ASIC2: variants seen among roughly 807,000 people sequenced by gnomAD.
ASIC2 encodes acid-sensing ion channel 2.
A neutral mutation model predicts 57.3 loss-of-function variants in ASIC2; 25 were observed. The observed-to-expected ratio is 0.44, with a 90% CI of 0.32 to 0.61. The LOEUF is 0.61. ASIC2 is among the 20% of genes least tolerant of loss of function. The pLI is 0.06. For synonymous variants in ASIC2, 319 were observed against 307.5 expected (o/e 1.04, Z -0.39); for missense variants, 641 against 738.1 (o/e 0.87, Z 1.52).
At chr17:33,560,857 G>C (rs1916051449) in intron 1 of ASIC2, among the ~76,000 whole-genome samples, 1 of 152,156 alleles carries the variant, frequency 6.6e-6, no homozygotes, top group Admixed American at 6.5e-5. Flanking sequence ...ATAAGTTACA[G>C]TATCTGACTG....
At chr17:34,078,078 C>T (rs1909738476) in intron 1 of ASIC2, among the ~76,000 whole-genome samples, 1 of 152,160 alleles carries the variant, frequency 6.6e-6, no homozygotes, top group South Asian at 2.1e-4. Context: ...GTTTCACCAG[C>T]TCTCAGTGTT....
chr17:33,448,109 C>T (rs1012862530), intron 1 of ASIC2, among the ~76,000 whole-genome samples: 17 of 142,908 alleles, frequency 1.2e-4, no homozygotes, highest in Admixed American at 5.5e-4. Context: ...AAACTAGAAT[C>T]GGGAGTTAGG....
At chr17:33,835,995 T>G (rs1444094459) in intron 1 of ASIC2, among the ~76,000 whole-genome samples, 1 of 150,966 alleles carries the variant, frequency 6.6e-6, no homozygotes, top group East Asian at 1.9e-4. Context: ...TTTTAGAGGC[T>G]AATAATTATG....
intron 1 of ASIC2, among the ~76,000 whole-genome samples, chr17:33,783,453 G>A (rs1170419505): frequency 1.3e-5 from 2 of 152,226 alleles, no homozygotes; most frequent in Non-Finnish European, 2.9e-5. Context: ...TCAGTAGAGT[G>A]TCTGGCATAT....
chr17:33,120,733 A>T (rs1312599908), intron 1 of ASIC2, among the ~76,000 whole-genome samples: 1 of 152,214 alleles, frequency 6.6e-6, no homozygotes, highest in Non-Finnish European at 1.5e-5. Context: ...CAAATGGGAC[A>T]CAATGACAGG....
chr17:33,233,347 T>C (rs952795385), intron 1 of ASIC2, among the ~76,000 whole-genome samples: 6 of 152,028 alleles, frequency 3.9e-5, no homozygotes, highest in Non-Finnish European at 8.8e-5. Context: ...AGTGCCCTCA[T>C]GCGCTAGGAG....
intron 1 of ASIC2, among the ~76,000 whole-genome samples, chr17:33,270,921 G>C (rs1269884964): frequency 1.3e-5 from 2 of 152,142 alleles, no homozygotes; most frequent in Non-Finnish European, 2.9e-5. Context: ...ATAATGCTAC[G>C]CAGAGGAGGA....
chr17:33,741,681 T>G (rs1910116473), intron 1 of ASIC2, among the ~76,000 whole-genome samples: 1 of 152,240 alleles, frequency 6.6e-6, no homozygotes, highest in African/African-American at 2.4e-5. Flanking sequence ...TGTTTGCCAC[T>G]GATAATGCTG....
At chr17:33,478,931 A>G (rs1913315022) in intron 1 of ASIC2, among the ~76,000 whole-genome samples, 1 of 152,238 alleles carries the variant, frequency 6.6e-6, no homozygotes, top group Non-Finnish European at 1.5e-5. Context: ...TTCAGGTTGC[A>G]TGTCAAGATA....
At chr17:34,141,824 A>G (rs953208593) in intron 1 of ASIC2, among the ~76,000 whole-genome samples, 3 of 152,308 alleles carry the variant, frequency 2.0e-5, no homozygotes, top group Admixed American at 6.5e-5. Context: ...TAAGGGGCAC[A>G]TTGCCTGAAA....
chr17:33,086,569 T>A (rs2092134589), intron 3 of ASIC2, among the ~76,000 whole-genome samples: 1 of 152,188 alleles, frequency 6.6e-6, no homozygotes, highest in Admixed American at 6.5e-5. Context: ...TTGACCAGAC[T>A]CTAGCCAGGC....
chr17:33,495,086 G>A (rs1381069001), intron 1 of ASIC2, among the ~76,000 whole-genome samples: 2 of 152,222 alleles, frequency 1.3e-5, no homozygotes, highest in Non-Finnish European at 2.9e-5. Context: ...GCTGGAATGA[G>A]AGGGAGAGAA....
rs1247571166 is a variant in ASIC2 at position 33,594,701 on chromosome 17, G to A, written c.556-482634C>T. Among the ~76,000 whole-genome samples the A allele has an allele frequency of 2.6e-5, 4 of 152,074 alleles. No homozygotes were observed. In the South Asian group the frequency reaches 6.2e-4, roughly 24 times the overall value. ...AAATTAGCCAGGCGTGCTGGCGGGC[G>A]CCTGTAGTCCCAGCTACTCGGGAGG... On this transcript the variant is annotated intron_variant, in intron 1 of 9. Transcript: ENST00000359872.
intron 1 of ASIC2, among the ~76,000 whole-genome samples, chr17:33,555,460 T>G (rs1915879660): frequency 6.6e-6 from 1 of 152,160 alleles, no homozygotes; most frequent in South Asian, 2.1e-4. Flanking sequence ...AACTGTTCTT[T>G]GAGAGGCAAG....
At chr17:33,871,536 G>T (rs364894) in intron 1 of ASIC2, among the ~76,000 whole-genome samples, 41,256 of 151,928 alleles carry the variant, frequency 0.27, 6,053 homozygotes, top group African/African-American at 0.37. Context: ...GGAAGGAGGG[G>T]TGTGTGTGAT....
At chr17:33,153,093 G>A (rs531599172) in intron 1 of ASIC2, among the ~76,000 whole-genome samples, 33 of 152,242 alleles carry the variant, frequency 2.2e-4, no homozygotes, top group Middle Eastern at 3.4e-3. Context: ...TTTATTATGC[G>A]TAACTCATGT....
chr17:33,130,380 T>A lies in ASIC2; in HGVS notation c.709-18313A>T, dbSNP rs180694041. ...TGGCAAAATGTTAATATTGTAGGAC[T>A]TGGGTGATAGGTACAAGGGGTTCAT... On this transcript the variant is annotated intron_variant, in intron 1 of 9. Coordinates refer to ENST00000225823, the MANE Select transcript of ASIC2 (RefSeq NM_183377.2). Among the ~76,000 whole-genome samples the A allele has an allele frequency of 2.0e-5, 3 of 152,298 alleles. No homozygotes were observed. In the East Asian group the frequency reaches 5.8e-4, roughly 29 times the overall value.
chr17:33,256,415 T>C (rs1446709314), intron 1 of ASIC2, among the ~76,000 whole-genome samples: 2 of 152,122 alleles, frequency 1.3e-5, no homozygotes, highest in African/African-American at 2.4e-5. Context: ...TTAGGAAGAG[T>C]GCTGGGGTCT....
intron 1 of ASIC2, chr17:34,003,266 C>T (rs752146096): frequency 1.3e-5 from 2 of 152,118 alleles, no homozygotes; most frequent in African/African-American, 2.4e-5. Flanking sequence ...CCTCTTTGAC[C>T]TCAGTTTTCT....
Sources: allele counts gnomAD v4.1 joint callset (sites outside exome capture counted in the v4.1 genomes callset), GRCh38; gene constraint gnomAD v4.1.1; transcripts MANE v1.5; gene names NCBI Gene and HGNC (gene_info 2026-07-23, HGNC 2026-07-21).